C1QTNF3: variants seen among roughly 807,000 people sequenced by gnomAD.
C1QTNF3 encodes C1q and TNF related 3.
C1QTNF3 carries 26 observed loss-of-function variants against 32.6 expected under a neutral mutation model. The ratio of observed to expected loss-of-function variants is 0.80; its 90% confidence interval spans 0.58 to 1.11. The LOEUF is 1.11. Ranked by LOEUF, C1QTNF3 falls within the 50% of genes least tolerant of loss-of-function variation. C1QTNF3 has a pLI of 0.00. For synonymous variants in C1QTNF3, 155 were observed against 146.0 expected (o/e 1.06, Z -0.44); for missense variants, 362 against 398.2 (o/e 0.91, Z 0.77).
At chr5:34,111,792 G>A in the C1QTNF3 span, among the ~76,000 whole-genome samples, 1 of 152,156 alleles carries the variant, frequency 6.6e-6, no homozygotes, top group African/African-American at 2.4e-5. Context: ...TGTTGCCCTG[G>A]TCATCACCAT....
At chr5:34,138,487 TTGAG>T in the C1QTNF3 span, among the ~76,000 whole-genome samples, 1 of 152,104 alleles carries the variant, frequency 6.6e-6, no homozygotes, top group Admixed American at 6.6e-5. Context: ...CTAGAAAGGT[TTGAG>T]TATTTGTTTT....
At chr5:34,034,879 A>T (rs146928025) in intron 2 of C1QTNF3, among the ~76,000 whole-genome samples, 2 of 152,348 alleles carry the variant, frequency 1.3e-5, no homozygotes, top group African/African-American at 4.8e-5. Context: ...TTTGTGCAAG[A>T]AGCTACTCAA....
chr5:34,133,495 A>C, the C1QTNF3 span, among the ~76,000 whole-genome samples: 41 of 152,204 alleles, frequency 2.7e-4, no homozygotes, highest in Non-Finnish European at 5.6e-4. Flanking sequence ...CAGTACCCCA[A>C]AGTGCTGCGG....
the C1QTNF3 span, among the ~76,000 whole-genome samples, chr5:34,157,156 T>C: frequency 1.3e-5 from 2 of 152,186 alleles, no homozygotes; most frequent in Non-Finnish European, 1.5e-5. Context: ...ATGTCTTCTG[T>C]TTTCAATTAC....
the C1QTNF3 span, among the ~76,000 whole-genome samples, chr5:34,074,695 C>T: frequency 6.6e-6 from 1 of 151,612 alleles, no homozygotes; most frequent in Non-Finnish European, 1.5e-5. Flanking sequence ...TTCTTTCTTA[C>T]TGCACTGATT....
the C1QTNF3 span, among the ~76,000 whole-genome samples, chr5:34,126,161 A>G: frequency 5.3e-5 from 8 of 152,346 alleles, no homozygotes; most frequent in South Asian, 1.7e-3. Flanking sequence ...TTAGAAATGG[A>G]TTGGATATAC....
chr5:34,068,796 CATT>C, the C1QTNF3 span, among the ~76,000 whole-genome samples: 1 of 152,048 alleles, frequency 6.6e-6, no homozygotes, highest in African/African-American at 2.4e-5. Context: ...CAGAGTGTAA[CATT>C]ATATGTGAAA....
chr5:34,027,654 C>G (rs1754497177), intron 4 of C1QTNF3, among the ~76,000 whole-genome samples: 1 of 146,128 alleles, frequency 6.8e-6, no homozygotes, highest in Admixed American at 7.1e-5. Context: ...TTGCAGTGGG[C>G]TGAGATGGTG....
At chr5:34,135,281 T>G in the C1QTNF3 span, among the ~76,000 whole-genome samples, 2 of 152,190 alleles carry the variant, frequency 1.3e-5, no homozygotes, top group South Asian at 2.1e-4. Context: ...CTTATTGTGG[T>G]GGATAAGCTT....
At chr5:34,100,736 ACAT>A in the C1QTNF3 span, among the ~76,000 whole-genome samples, 1 of 148,628 alleles carries the variant, frequency 6.7e-6, no homozygotes, top group Non-Finnish European at 1.5e-5. Context: ...AGTTTCAGAA[ACAT>A]CATAAAAATA....
the C1QTNF3 span, among the ~76,000 whole-genome samples, chr5:34,234,167 T>G: frequency 6.6e-6 from 1 of 152,174 alleles, no homozygotes; most frequent in South Asian, 2.1e-4. Flanking sequence ...CTTGGTTTAC[T>G]GTATTATAAT....
the C1QTNF3 span, among the ~76,000 whole-genome samples, chr5:34,095,978 G>A: frequency 2.0e-5 from 3 of 151,990 alleles, no homozygotes; most frequent in East Asian, 5.8e-4. Flanking sequence ...AGAAGAAAAA[G>A]AGCCACAAAG....
chr5:34,175,891 T>C, the C1QTNF3 span: 5 of 810,610 alleles, frequency 6.2e-6, no homozygotes, highest in South Asian at 5.4e-5. Flanking sequence ...CGTTTTTGAT[T>C]GAGACCCAGA....
chr5:34,213,696 A>ATATATGTATGTG, the C1QTNF3 span, among the ~76,000 whole-genome samples: 1 of 127,056 alleles, frequency 7.9e-6, no homozygotes, highest in African/African-American at 3.1e-5. Flanking sequence ...GTGTGTGTGT[A>ATATATGTATGTG]TATATATATG....
the C1QTNF3 span, among the ~76,000 whole-genome samples, chr5:34,055,692 G>GATTT: frequency 2.0e-5 from 3 of 152,334 alleles, no homozygotes; most frequent in African/African-American, 7.2e-5. Context: ...CACTGACATG[G>GATTT]ATTTATACCC....
At chr5:34,162,464 A>C in the C1QTNF3 span, among the ~76,000 whole-genome samples, 1 of 152,162 alleles carries the variant, frequency 6.6e-6, no homozygotes, top group Non-Finnish European at 1.5e-5. Flanking sequence ...TCCAACACAT[A>C]AACTTTGGGG....
chr5:34,225,673 TA>T, the C1QTNF3 span, among the ~76,000 whole-genome samples: 894 of 151,994 alleles, frequency 5.9e-3, 10 homozygotes, highest in African/African-American at 0.021. Flanking sequence ...AATTTTTTTT[TA>T]GAAATTCTGA....
the C1QTNF3 span, among the ~76,000 whole-genome samples, chr5:34,207,660 A>C: frequency 1.3e-5 from 2 of 152,088 alleles, no homozygotes; most frequent in East Asian, 1.9e-4. Flanking sequence ...TCTTAAGCTC[A>C]CTATCTACCT....
chr5:34,230,639 A>T, the C1QTNF3 span, among the ~76,000 whole-genome samples: 1 of 152,196 alleles, frequency 6.6e-6, no homozygotes, highest in South Asian at 2.1e-4. Context: ...ACATTTTTTA[A>T]ACTAAATCTA....
Sources: allele counts gnomAD v4.1 joint callset (sites outside exome capture counted in the v4.1 genomes callset), GRCh38; gene constraint gnomAD v4.1.1; transcripts MANE v1.5; gene names NCBI Gene and HGNC (gene_info 2026-07-23, HGNC 2026-07-21).